The following LCORL variants were observed in gnomAD, a reference collection of about 807,000 sequenced individuals.
LCORL encodes ligand-dependent nuclear receptor corepressor-like protein.
LCORL carries 41 observed loss-of-function variants against 141.8 expected under a neutral mutation model. The ratio of observed to expected loss-of-function variants is 0.29; its 90% CI spans 0.23 to 0.38. The LOEUF (loss-of-function observed/expected upper bound fraction) is 0.38, where lower values mean the gene tolerates loss of function less well. Ranked by LOEUF, LCORL falls within the 10% of genes least tolerant of loss-of-function variation. The pLI, the probability that LCORL is intolerant of heterozygous loss-of-function variation, is 1.00. For synonymous variants in LCORL, 618 were observed against 694.1 expected (o/e 0.89, Z 1.72); for missense variants, 1,759 against 2,035.0 (o/e 0.86, Z 2.61).
chr4:17,851,283 A>C (rs987687714), intron 7 of LCORL, among the ~76,000 whole-genome samples: 15 of 151,034 alleles, frequency 9.9e-5, no homozygotes, highest in African/African-American at 1.5e-4. Context: ...TATAATAATA[A>C]AAAAAAAATC....
chr4:18,011,816 G>A (rs1196516841), intron 1 of LCORL, among the ~76,000 whole-genome samples: 1 of 152,228 alleles, frequency 6.6e-6, no homozygotes, highest in Non-Finnish European at 1.5e-5. Context: ...AACATTTACT[G>A]TCTGGCCCTT....
intron 4 of LCORL, among the ~76,000 whole-genome samples, chr4:17,930,793 A>G (rs1308316078): frequency 6.6e-6 from 1 of 152,226 alleles, no homozygotes; most frequent in Non-Finnish European, 1.5e-5. Context: ...TATTTCACGG[A>G]TACACACACA....
intron 1 of LCORL, among the ~76,000 whole-genome samples, chr4:17,993,735 G>A (rs186634300): frequency 2.0e-4 from 31 of 152,264 alleles, no homozygotes; most frequent in Non-Finnish European, 3.4e-4. Context: ...AGAAAGGATT[G>A]TTCAAGCAGC....
At chr4:17,922,732 G>A (rs1734495274) in intron 4 of LCORL, among the ~76,000 whole-genome samples, 1 of 152,150 alleles carries the variant, frequency 6.6e-6, no homozygotes, top group African/African-American at 2.4e-5. Context: ...TGAGGGCAGT[G>A]ACTGTAAAAG....
At chr4:17,970,984 G>A (rs796363388) in intron 2 of LCORL, among the ~76,000 whole-genome samples, 3 of 152,134 alleles carry the variant, frequency 2.0e-5, no homozygotes, top group African/African-American at 7.2e-5. Flanking sequence ...CAAAATGACT[G>A]GAAAAACTAA....
chr4:17,864,414 C>G (rs1309190268), intron 7 of LCORL, among the ~76,000 whole-genome samples: 1 of 152,100 alleles, frequency 6.6e-6, no homozygotes, highest in Admixed American at 6.5e-5. Flanking sequence ...CAGAGTTTCA[C>G]CATGTTGCCC....
At chr4:17,855,809 AACC>A (rs1383566203) in intron 7 of LCORL, among the ~76,000 whole-genome samples, 1 of 152,230 alleles carries the variant, frequency 6.6e-6, no homozygotes, top group Non-Finnish European at 1.5e-5. Flanking sequence ...CCTATCTGCC[AACC>A]ACAGACTCAT....
rs931658608 is a variant in LCORL, at chr4:18,021,207, G to C, written c.154+391C>G. ...CTTCCTCCGGCCGCCCTGCCCGCCG[G>C]CTCTCCTCCGCCAGGGCGCCGACCC... On this transcript the variant is annotated intron_variant, in intron 1 of 7. Coordinates refer to ENST00000635767, the Ensembl canonical transcript of LCORL. This position sits in a 1 kb window ranked among gnomAD's most constrained non-coding sequence, Gnocchi z 5.5. Among the ~76,000 whole-genome samples, 3 of 152,024 alleles carry C rather than the reference G, an allele frequency of 2.0e-5. No homozygotes were observed. The highest frequency in any genetic ancestry group is 4.4e-5 in the Non-Finnish European group (3 of 67,958).
At chr4:17,949,835 G>C (rs1227559616) in intron 4 of LCORL, among the ~76,000 whole-genome samples, 1 of 152,132 alleles carries the variant, frequency 6.6e-6, no homozygotes, top group East Asian at 1.9e-4. Context: ...AGAAACTTAA[G>C]AACTGTACAA....
At chr4:17,890,807 T>C (rs946996127) in intron 5 of LCORL, among the ~76,000 whole-genome samples, 1 of 149,740 alleles carries the variant, frequency 6.7e-6, no homozygotes, top group Non-Finnish European at 1.5e-5. Context: ...GGCAATTTCT[T>C]GAATACTGAC....
intron 1 of LCORL, among the ~76,000 whole-genome samples, chr4:18,010,065 G>A (rs1723458147): frequency 6.6e-6 from 1 of 152,178 alleles, no homozygotes; most frequent in Non-Finnish European, 1.5e-5. Context: ...AACTGTGTAA[G>A]CACCTATAAT....
chr4:17,997,598 C>CA (rs1721112655), intron 1 of LCORL, among the ~76,000 whole-genome samples: 1 of 151,930 alleles, frequency 6.6e-6, no homozygotes, highest in South Asian at 2.1e-4. Flanking sequence ...AAACAAGTGA[C>CA]AAAAGTCTTC....
intron 1 of LCORL, among the ~76,000 whole-genome samples, chr4:18,009,251 A>C (rs780827372): frequency 7.2e-5 from 11 of 152,062 alleles, no homozygotes; most frequent in Non-Finnish European, 1.5e-4. Flanking sequence ...TCAGACAATG[A>C]GAAGCCTGGC....
At chr4:17,968,005 C>T (rs1043392583) in intron 2 of LCORL, among the ~76,000 whole-genome samples, 1 of 151,858 alleles carries the variant, frequency 6.6e-6, no homozygotes, top group Non-Finnish European at 1.5e-5. Flanking sequence ...TTACAGATGC[C>T]CGCCATTACA....
intron 1 of LCORL, among the ~76,000 whole-genome samples, chr4:17,981,010 G>A (rs985256990): frequency 6.6e-6 from 1 of 152,156 alleles, no homozygotes; most frequent in African/African-American, 2.4e-5. Context: ...CACTGACTTA[G>A]ATAACTTAAT....
intron 1 of LCORL, among the ~76,000 whole-genome samples, chr4:17,999,348 G>T (rs1006003246): frequency 6.6e-6 from 1 of 151,886 alleles, no homozygotes; most frequent in African/African-American, 2.4e-5. Context: ...CAGCTACTCG[G>T]GAGGCTGAGG....
rs751821670 is a variant in LCORL, at chr4:18,021,686, AGCG to A, written c.63_65del (p.Ala22del). 1.0e-3 allele frequency: 1,555 copies of A among 1,523,162 alleles called. 1 individual carries two copies. Among genetic ancestry groups the A allele is most frequent in the Admixed American group, 2.7e-3 (126 of 46,984 alleles). 94.4% of individuals were successfully genotyped at this position (1,523,162 alleles called of 1,614,324 possible). A position where few individuals can be genotyped will look rare whatever the true frequency, so the allele number is the denominator to read the frequency against. On this transcript the variant is annotated inframe_deletion, in exon 1 of 8. Transcript: ENST00000635767. The surrounding 1 kb of genome is among the most constrained non-coding windows in gnomAD (Gnocchi z 5.5). ...CCGCGCACCGAGGGCTCCGGCACTG[AGCG>A]GCGGCGGCGGCGGCGGCAGCAGCGG...
chr4:17,954,807 T>G (rs1712250273), intron 4 of LCORL, among the ~76,000 whole-genome samples: 1 of 152,178 alleles, frequency 6.6e-6, no homozygotes, highest in African/African-American at 2.4e-5. Flanking sequence ...CTTGACCAAC[T>G]GAGTCACGAG....
chr4:17,988,821 C>A (rs114196262), intron 1 of LCORL, among the ~76,000 whole-genome samples: 1 of 151,946 alleles, frequency 6.6e-6, no homozygotes, highest in Non-Finnish European at 1.5e-5. Flanking sequence ...CCTATCTCTA[C>A]GAAAAACACA....
Sources: gnomAD v4.1 joint callset for allele counts (sites outside exome capture counted in the v4.1 genomes callset) on GRCh38, gnomAD v4.1.1 for gene constraint, Gnocchi (gnomAD v3.1) non-coding constraint, MANE v1.5 for transcripts, NCBI Gene and HGNC (gene_info 2026-07-23, HGNC 2026-07-21) for gene names.